SPAG1: variants seen among roughly 807,000 people sequenced by gnomAD.
SPAG1 encodes the protein sperm associated antigen 1, also known as sperm-associated antigen 1.
In SPAG1, 69 loss-of-function variants were observed where a neutral mutation model predicts 100.5. The observed-to-expected ratio is 0.69, with a 90% CI of 0.57 to 0.84. The LOEUF (loss-of-function observed/expected upper bound fraction) is 0.84. Ranked by LOEUF, SPAG1 falls within the 40% of genes least tolerant of loss-of-function variation. The pLI, the probability that SPAG1 is intolerant of heterozygous loss-of-function variation, is 0.00. For synonymous variants in SPAG1, 336 were observed against 411.6 expected, an observed-to-expected ratio of 0.82 and a Z score of 2.22; for missense variants, 955 against 1,133.1, an observed-to-expected ratio of 0.84 and a Z score of 2.26.
At chr8:100,199,557 T>C (rs1038597194) in intron 10 of SPAG1, among the ~76,000 whole-genome samples, 4 of 152,178 alleles carry the variant, frequency 2.6e-5, no homozygotes, top group East Asian at 3.8e-4. Flanking sequence ...GCAATTCTCC[T>C]GCCTCAGCCT....
At chr8:100,225,030 G>A (rs1393813573) in intron 13 of SPAG1, 143 bp from the exon 14 acceptor site, 2 of 525,418 alleles carry the variant, frequency 3.8e-6, no homozygotes, top group South Asian at 3.2e-5. Flanking sequence ...CAGTTTATAC[G>A]GACAGAAAAT....
Position 100,239,137 on chromosome 8 carries a change from G to GC in SPAG1, c.2116-102dup, listed in dbSNP as rs375227299. On this transcript the variant is annotated intron_variant, in intron 16 of 18. Transcript: ENST00000388798. The surrounding 1 kb of genome is among the most constrained non-coding windows in gnomAD (Gnocchi z 5.0). Reference sequence around the variant, plus strand: ...TAAGAGTGGTATTAATGTGGACCCTGCACACATACTGCACAGCTCACTACA... The same window carrying GC: ...TAAGAGTGGTATTAATGTGGACCCTGCCACACATACTGCACAGCTCACTACA... 1.6e-3 allele frequency: 1,032 copies of GC among 647,558 alleles called. 15 individuals carry two copies. In the African/African-American group the frequency reaches 0.018, roughly 12 times the overall value. The allele number at this position is 647,558 out of a possible 1,614,324, so 40.1% of individuals were successfully genotyped here.
chr8:100,170,857 C>T (rs1250378249), intron 3 of SPAG1, among the ~76,000 whole-genome samples: 3 of 145,836 alleles, frequency 2.1e-5, no homozygotes, highest in Admixed American at 6.8e-5. Flanking sequence ...TTATTTTTTA[C>T]TTGCTTTATT....
intron 10 of SPAG1, among the ~76,000 whole-genome samples, chr8:100,207,940 C>G (rs2132333558): frequency 6.6e-6 from 1 of 152,218 alleles, no homozygotes; most frequent in South Asian, 2.1e-4. Flanking sequence ...GCAAAGTTCT[C>G]CAGAAGGCCG....
In SPAG1 at chr8:100,183,968, G is replaced by A. The variant is rs1462772429; in HGVS notation, c.501G>A (p.Glu167=). 2.6e-6 allele frequency: 4 copies of A among 1,520,800 alleles called. No homozygotes were observed. Among genetic ancestry groups the A allele is most frequent in the Non-Finnish European group, 3.5e-6 (4 of 1,130,002 alleles). 94.2% of individuals were successfully genotyped at this position (1,520,800 alleles called of 1,614,324 possible). A position where few individuals can be genotyped will look rare whatever the true frequency, so the allele number is the denominator to read the frequency against. The change falls in exon 6 of 19, where the codon GAG becomes GAA. Residue 167 remains glutamate, a synonymous_variant. Transcript: ENST00000388798. The part of the protein sequence containing the change: ...DYAEWDKFDV[E]KECLKIDEDY... ...TCTTTCATTTAAGATTTGACGTGGA[G>A]AAGGAATGTTTAAAAATTGATGAAG... is the stretch of plus-strand genomic sequence containing the variant.
chr8:100,180,294 C>T (rs1816312576), intron 4 of SPAG1, among the ~76,000 whole-genome samples: 1 of 152,150 alleles, frequency 6.6e-6, no homozygotes, highest in Non-Finnish European at 1.5e-5. Flanking sequence ...GCCATGATGA[C>T]ATCACTATAC....
intron 14 of SPAG1, among the ~76,000 whole-genome samples, chr8:100,227,849 T>TTTA (rs1818584348): frequency 6.8e-6 from 1 of 146,012 alleles, no homozygotes; most frequent in Admixed American, 6.8e-5. Context: ...AGATTTTTTT[T>TTTA]TTTTTTTTTT....
At chr8:100,203,553 TTA>T (rs1237077605) in intron 10 of SPAG1, among the ~76,000 whole-genome samples, 2 of 152,160 alleles carry the variant, frequency 1.3e-5, no homozygotes, top group African/African-American at 4.8e-5. Context: ...TGTGAACTGT[TTA>T]GAGAGTTATG....
rs781252699 is a variant in SPAG1 at position 100,213,912 on chromosome 8, G to T, written c.1529G>T (p.Cys510Phe). 1.3e-6 allele frequency: 2 copies of T among 1,571,886 alleles called. No homozygotes were observed. Among genetic ancestry groups the T allele is most frequent in the Admixed American group, 1.7e-5 (1 of 59,352 alleles). ...AACTGCAGTGGCTGCATTCAAGATTGTAACAGGTAAACTGCACGTTTTCAG... is the reference window on the plus strand; with the variant it reads ...AACTGCAGTGGCTGCATTCAAGATTTTAACAGGTAAACTGCACGTTTTCAG... ...EGNCSGCIQD[C>F]NRALELHPFS... Residue 510 changes from cysteine to phenylalanine, a missense_variant, in exon 12 of 19, where the codon TGT becomes TTT. Transcript: ENST00000388798.
intron 10 of SPAG1, among the ~76,000 whole-genome samples, chr8:100,202,709 C>CAAAAAAA (rs750153561): frequency 1.1e-4 from 3 of 27,466 alleles, no homozygotes; most frequent in African/African-American, 3.2e-4. Context: ...GACTCCGTCT[C>CAAAAAAA]AAAAAAAAAA....
At chr8:100,173,494 G>GT (rs1328896936) in intron 3 of SPAG1, among the ~76,000 whole-genome samples, 4 of 151,858 alleles carry the variant, frequency 2.6e-5, no homozygotes, top group Non-Finnish European at 2.9e-5. Context: ...TAGTTGTTGG[G>GT]TTTTTTTGCT....
At chr8:100,211,001 G>T (rs1057152108) in intron 10 of SPAG1, among the ~76,000 whole-genome samples, 1 of 151,854 alleles carries the variant, frequency 6.6e-6, no homozygotes, top group Admixed American at 6.6e-5. Flanking sequence ...GCTAATTTTT[G>T]TATTTTTAGT....
chr8:100,221,479 G>C (rs1818276983), intron 13 of SPAG1, among the ~76,000 whole-genome samples: 1 of 152,134 alleles, frequency 6.6e-6, no homozygotes, highest in Admixed American at 6.5e-5. Flanking sequence ...AGTTATGTAT[G>C]ACATTTTCTG....
intron 10 of SPAG1, among the ~76,000 whole-genome samples, chr8:100,211,732 G>A (rs182565227): frequency 8.5e-4 from 129 of 152,352 alleles, no homozygotes; most frequent in Non-Finnish European, 1.4e-3. Flanking sequence ...GTACTAGAGC[G>A]CATTCCTTAG....
chr8:100,224,548 AAAAC>A (rs952231006), intron 13 of SPAG1, among the ~76,000 whole-genome samples: 1 of 152,228 alleles, frequency 6.6e-6, no homozygotes, highest in African/African-American at 2.4e-5. Context: ...TCTCAAAAAC[AAAAC>A]AAACAAACAC....
chr8:100,184,651 TTTC>T lies in SPAG1; in HGVS notation c.622_624del (p.Leu208del). 6.3e-7 allele frequency: 1 copy of T among 1,579,404 alleles called. No individual in the cohort carries two copies. The highest frequency in any genetic ancestry group is 1.2e-5 in the South Asian group (1 of 84,588). ...AGGTCTAACTGAGAAAGAAAAGGATTTTCTTGCCACTCGTGAAAAGGAGAAAGG... is the reference window on the plus strand; with the variant it reads ...AGGTCTAACTGAGAAAGAAAAGGATTTTGCCACTCGTGAAAAGGAGAAAGG... On this transcript the variant is annotated inframe_deletion, in exon 7 of 19. Coordinates refer to ENST00000388798, the MANE Select transcript of SPAG1 (RefSeq NM_003114.5).
chr8:100,237,850 G>C (rs2132439556), intron 16 of SPAG1, among the ~76,000 whole-genome samples: 1 of 152,240 alleles, frequency 6.6e-6, no homozygotes, highest in East Asian at 1.9e-4. Context: ...TCATGAAAAT[G>C]ATCCTATTGA....
At position 100,194,112 on chromosome 8, in the gene SPAG1, A is replaced by G; in HGVS notation, c.940A>G (p.Lys314Glu). The G allele has an allele frequency of 6.7e-7, 1 of 1,496,948 alleles. No individual in the cohort carries two copies. The highest frequency in any genetic ancestry group is 9.0e-7 in the Non-Finnish European group (1 of 1,106,466). 92.7% of individuals were successfully genotyped at this position (1,496,948 alleles called of 1,614,324 possible). A position where few individuals can be genotyped will look rare whatever the true frequency, so the allele number is the denominator to read the frequency against. ...CTTTAATATGGTAATTATGTTGCAG[A>G]AAACCTTGTCAGAGGTTGAAAGAGA... The part of the protein sequence containing the change: ...DVEPDNDLAK[K>E]TLSEVERDLK... Residue 314 changes from lysine (K) to glutamate (E), a missense_variant and splice_region_variant, in exon 10 of 19, where the codon AAA becomes GAA. Transcript: ENST00000388798.
At position 100,183,263 on chromosome 8, in the gene SPAG1, G is replaced by A. The variant is rs867628192; in HGVS notation, c.427-112G>A. On this transcript the variant is annotated intron_variant, in intron 4 of 18. Coordinates refer to ENST00000388798, the MANE Select transcript of SPAG1 (RefSeq NM_003114.5). ...GCTGGGATTACAGGCGTGAGTCCCC[G>A]CACCTGGCTTCCATTTGTATATCTT... 3.5e-5 allele frequency: 19 copies of A among 547,478 alleles called. No homozygotes were observed. In the Middle Eastern group the frequency reaches 1.3e-3, roughly 38 times the overall value. The allele number at this position is 547,478 out of a possible 1,614,324, so 33.9% of individuals were successfully genotyped here.
Sources: allele counts gnomAD v4.1 joint callset (sites outside exome capture counted in the v4.1 genomes callset), GRCh38; gene constraint gnomAD v4.1.1; non-coding constraint Gnocchi (gnomAD v3.1); transcripts MANE v1.5; gene names NCBI Gene and HGNC (gene_info 2026-07-23, HGNC 2026-07-21).